SLIT1: variants seen among roughly 807,000 people sequenced by gnomAD.
SLIT1 encodes the protein slit homolog 1 protein.
In SLIT1, 66 loss-of-function variants were observed where a neutral mutation model predicts 186.1. The ratio of observed to expected loss-of-function variants is 0.35; its 90% CI spans 0.29 to 0.44. SLIT1 has a LOEUF of 0.44. Ranked by LOEUF, SLIT1 falls within the 20% of genes least tolerant of loss-of-function variation. The pLI is 1.00. For synonymous variants in SLIT1, 761 were observed against 833.8 expected (o/e 0.91, Z 1.50); for missense variants, 1,638 against 2,037.4 (o/e 0.80, Z 3.77).
chr10:97,183,633 T>C (rs1415167053), intron 1 of SLIT1, among the ~76,000 whole-genome samples: 1 of 152,226 alleles, frequency 6.6e-6, no homozygotes, highest in Non-Finnish European at 1.5e-5. Context: ...CATCTCACTC[T>C]GATCACAAAA....
intron 35 of SLIT1, 148 bp downstream of exon 35, chr10:97,002,556 T>G: frequency 1.2e-6 from 1 of 821,010 alleles, no homozygotes; most frequent in Non-Finnish European, 1.8e-6. Context: ...CTTGTCCTAT[T>G]AATAAAAAGT....
chr10:97,151,112 C>A (rs1306895784), intron 4 of SLIT1, among the ~76,000 whole-genome samples: 1 of 152,158 alleles, frequency 6.6e-6, no homozygotes, highest in African/African-American at 2.4e-5. Flanking sequence ...TGATGACAGA[C>A]CTGTCACCTC....
intron 4 of SLIT1, chr10:97,157,600 G>C: frequency 1.8e-6 from 1 of 563,602 alleles, no homozygotes; most frequent in East Asian, 2.9e-5. Flanking sequence ...TGGATGAACT[G>C]CGGGTTCTTC....
chr10:97,027,593 G>A (rs1848556950), intron 25 of SLIT1, among the ~76,000 whole-genome samples: 1 of 152,180 alleles, frequency 6.6e-6, no homozygotes, highest in Non-Finnish European at 1.5e-5. Flanking sequence ...CTTTCTACAA[G>A]TACTGCTAAC....
Position 97,037,699 on chromosome 10 carries a change from C to A in SLIT1, c.2365G>T (p.Val789Leu). 1 of 1,608,670 alleles carries A rather than the reference C, an allele frequency of 6.2e-7. No individual in the cohort carries two copies. Among genetic ancestry groups the A allele is most frequent in the South Asian group, 1.1e-5 (1 of 90,760 alleles). Reference sequence around the variant, plus strand: ...TCCTCAAGCGGCCTGGATACTTACACGAGCTGCAGGTACTTGAAGGTAGAC... The same window carrying A: ...TCCTCAAGCGGCCTGGATACTTACAAGAGCTGCAGGTACTTGAAGGTAGAC... Reference protein sequence around the residue: ...QLSTFKYLQLVDLSNNKISSL... With the variant: ...QLSTFKYLQLLDLSNNKISSL... The change falls in exon 22 of 37, where the codon GTG becomes TTG. Residue 789 changes from valine (V) to leucine (L), a missense_variant and splice_region_variant. Physicochemically the swap from Val to Leu is conservative, Grantham distance 32. Coordinates refer to ENST00000266058, the MANE Select transcript of SLIT1 (RefSeq NM_003061.3).
At chr10:97,002,480 C>T in intron 35 of SLIT1, 111 bp from the exon 36 acceptor site, 1 of 686,750 alleles carries the variant, frequency 1.5e-6, no homozygotes, top group East Asian at 3.1e-5. Context: ...CTTCACAGGT[C>T]TTTAATCTGT....
intron 4 of SLIT1, among the ~76,000 whole-genome samples, chr10:97,110,185 G>A (rs1450300480): frequency 6.6e-6 from 1 of 152,182 alleles, no homozygotes; most frequent in Non-Finnish European, 1.5e-5. Context: ...CCATATAGAG[G>A]TGCCAGCCCT....
chr10:97,066,212 C>G (rs1202953309), intron 4 of SLIT1, 126 bp from the exon 5 acceptor site: 1 of 725,328 alleles, frequency 1.4e-6, no homozygotes, highest in Non-Finnish European at 2.5e-6. Context: ...CTGCTGCACC[C>G]CAGCACCTAG....
intron 4 of SLIT1, among the ~76,000 whole-genome samples, chr10:97,122,692 A>G (rs1025223160): frequency 1.3e-5 from 2 of 152,200 alleles, no homozygotes; most frequent in Non-Finnish European, 2.9e-5. Flanking sequence ...CTCAGAGAGC[A>G]TCAGGGCAGC....
chr10:97,148,464 A>G (rs116746654), intron 4 of SLIT1, among the ~76,000 whole-genome samples: 6,909 of 56,334 alleles, frequency 0.12, 244 homozygotes, highest in East Asian at 0.27. Context: ...ATTTTTTCTT[A>G]TTTTTTGTAG....
At chr10:97,077,701 A>G (rs564442066) in intron 4 of SLIT1, among the ~76,000 whole-genome samples, 4 of 152,340 alleles carry the variant, frequency 2.6e-5, no homozygotes, top group South Asian at 2.1e-4. Flanking sequence ...CTCTGACTGA[A>G]GAAATGACTG....
rs1358848000 is a variant in SLIT1 at position 97,004,872 on chromosome 10, G to A, written c.3580-49C>T. 1.1e-5 allele frequency: 18 copies of A among 1,610,590 alleles called. No homozygotes were observed. Among genetic ancestry groups the A allele is most frequent in the Non-Finnish European group, 1.4e-5 (16 of 1,177,406 alleles). ...TCCCACCCCACCCCATGCAGCAGCG[G>A]CACAGGCTAGCAGATGGGGCAGAGA... On this transcript the variant is annotated intron_variant, in intron 32 of 36. Transcript: ENST00000266058. This position sits in a 1 kb window ranked among gnomAD's most constrained non-coding sequence, Gnocchi z 5.1.
intron 1 of SLIT1, among the ~76,000 whole-genome samples, chr10:97,179,655 G>A (rs1850304386): frequency 6.6e-6 from 1 of 152,122 alleles, no homozygotes; most frequent in Non-Finnish European, 1.5e-5. Flanking sequence ...TCCCTCACCA[G>A]GCCAAAAGCT....
chr10:97,149,416 T>C (rs1849851881), intron 4 of SLIT1, among the ~76,000 whole-genome samples: 1 of 152,154 alleles, frequency 6.6e-6, no homozygotes, highest in African/African-American at 2.4e-5. Context: ...AGGTGAAGCG[T>C]CTGCGCTTGG....
chr10:97,105,114 G>T (rs1025475068), intron 4 of SLIT1, among the ~76,000 whole-genome samples: 4 of 152,208 alleles, frequency 2.6e-5, no homozygotes, highest in Non-Finnish European at 4.4e-5. Flanking sequence ...AGGGGGCAGA[G>T]CTGGCTTCTT....
At chr10:97,034,614 C>T (rs1848622170) in intron 22 of SLIT1, 72 bp from the exon 23 acceptor site, 1 of 1,335,198 alleles carries the variant, frequency 7.5e-7, no homozygotes, top group South Asian at 1.2e-5. Flanking sequence ...GGGCTTCTTC[C>T]CCTCCCTCAC....
At chr10:97,053,894 G>A (rs1231394191) in intron 13 of SLIT1, among the ~76,000 whole-genome samples, 1 of 152,206 alleles carries the variant, frequency 6.6e-6, no homozygotes, top group Admixed American at 6.5e-5. Context: ...CAAACCTCAT[G>A]TTGAAATGTA....
chr10:97,065,623 A>G (rs1054798670), intron 5 of SLIT1: 1 of 194,012 alleles, frequency 5.2e-6, no homozygotes, highest in African/African-American at 2.3e-5. Flanking sequence ...AGGCTCAGCG[A>G]TGTTCACTGA....
At position 97,021,788 on chromosome 10, in the gene SLIT1, C is replaced by T. The variant is rs1252141838; in HGVS notation, c.2583-375G>A. Among the ~76,000 whole-genome samples, 1 of 152,168 alleles carries T rather than the reference C, an allele frequency of 6.6e-6. No homozygotes were observed. The highest frequency in any genetic ancestry group is 1.5e-5 in the Non-Finnish European group (1 of 68,030). Reference sequence around the variant, plus strand: ...ATATTGACCAGGCTGGTCTTGAACTCCTAAACTCAGGTTATCCACTCACCT... The same window carrying T: ...ATATTGACCAGGCTGGTCTTGAACTTCTAAACTCAGGTTATCCACTCACCT... On this transcript the variant is annotated intron_variant, in intron 25 of 36. Transcript: ENST00000266058. The surrounding 1 kb of genome is among the most constrained non-coding windows in gnomAD (Gnocchi z 4.5).
Sources: allele counts gnomAD v4.1 joint callset (sites outside exome capture counted in the v4.1 genomes callset), GRCh38; gene constraint gnomAD v4.1.1; non-coding constraint Gnocchi (gnomAD v3.1); transcripts MANE v1.5; gene names NCBI Gene and HGNC (gene_info 2026-07-23, HGNC 2026-07-21).